The following UGGT2 variants were observed in gnomAD, a reference collection of about 807,000 sequenced individuals.
UGGT2 encodes UDP-glucose:glycoprotein glucosyltransferase 2.
A neutral mutation model predicts 192.1 loss-of-function variants in UGGT2; 180 were observed. The observed-to-expected ratio is 0.94, with a 90% CI of 0.83 to 1.06. The LOEUF (loss-of-function observed/expected upper bound fraction) is 1.06. UGGT2 is among the 50% of genes least tolerant of loss of function. The probability of loss-of-function intolerance (pLI) is 0.00; values close to 1 mark genes in which losing one functional copy is unlikely to be tolerated. For missense variants in UGGT2, 1,849 were observed against 1,795.7 expected (o/e 1.03, Z -0.54); for synonymous variants, 580 against 591.0 (o/e 0.98, Z 0.27).
intron 5 of UGGT2, among the ~76,000 whole-genome samples, chr13:96,003,104 T>A (rs193223201): frequency 6.6e-6 from 1 of 152,186 alleles, no homozygotes; most frequent in Admixed American, 6.5e-5. Flanking sequence ...TTGCCATGAA[T>A]CCTTAGGTGT....
At chr13:95,976,582 ATC>A (rs1242393765) in intron 10 of UGGT2, among the ~76,000 whole-genome samples, 1 of 152,130 alleles carries the variant, frequency 6.6e-6, no homozygotes, top group Non-Finnish European at 1.5e-5. Flanking sequence ...CCTTCCCAGA[ATC>A]TGTTATTTTT....
Position 96,023,025 on chromosome 13 carries a change from C to A in UGGT2, c.485+15G>T. 6.4e-7 allele frequency: 1 copy of A among 1,557,038 alleles called. No individual in the cohort carries two copies. Among genetic ancestry groups the A allele is most frequent in the Admixed American group, 1.8e-5 (1 of 55,962 alleles). On this transcript the variant is annotated intron_variant, in intron 4 of 38. Coordinates refer to ENST00000376747, the MANE Select transcript of UGGT2 (RefSeq NM_020121.4). Reference sequence around the variant, plus strand: ...CTATAACCACTTCTTTCATTATAGGCTATTATTAATTTACCTTGAAGCAGC... The same window carrying A: ...CTATAACCACTTCTTTCATTATAGGATATTATTAATTTACCTTGAAGCAGC...
intron 24 of UGGT2, among the ~76,000 whole-genome samples, chr13:95,893,992 G>T (rs763884934): frequency 1.3e-5 from 2 of 152,156 alleles, no homozygotes; most frequent in Non-Finnish European, 2.9e-5. Context: ...CAACAACAGA[G>T]ATTCTCAGGA....
intron 37 of UGGT2, among the ~76,000 whole-genome samples, chr13:95,836,371 G>A (rs1887289537): frequency 6.6e-6 from 1 of 152,104 alleles, no homozygotes; most frequent in Admixed American, 6.5e-5. Flanking sequence ...TTTTTCAAAA[G>A]TCCTTTTGCA....
chr13:95,926,013 T>C (rs1318557034), intron 19 of UGGT2, among the ~76,000 whole-genome samples: 1 of 152,072 alleles, frequency 6.6e-6, no homozygotes, highest in Non-Finnish European at 1.5e-5. Flanking sequence ...TACAAGCTTA[T>C]ATAAAGCTTC....
intron 38 of UGGT2, among the ~76,000 whole-genome samples, chr13:95,818,151 C>G (rs1885104621): frequency 1.3e-5 from 2 of 152,014 alleles, no homozygotes; most frequent in African/African-American, 4.8e-5. Flanking sequence ...CTACTGAAAA[C>G]AACAATAATA....
chr13:95,934,195 T>C (rs965853677), intron 17 of UGGT2, among the ~76,000 whole-genome samples: 1 of 152,246 alleles, frequency 6.6e-6, no homozygotes, highest in Non-Finnish European at 1.5e-5. Context: ...TGAGTTCTGA[T>C]TTCTATTTTT....
chr13:96,002,889 T>C (rs183719489), intron 5 of UGGT2, among the ~76,000 whole-genome samples: 26 of 152,254 alleles, frequency 1.7e-4, no homozygotes, highest in Non-Finnish European at 2.8e-4. Context: ...TATGAAGGAA[T>C]TGCCAGTAAA....
chr13:96,023,085 C>T lies in UGGT2; in HGVS notation c.440G>A (p.Cys147Tyr), dbSNP rs1198908403. Residue 147 changes from cysteine (C) to tyrosine (Y), a missense_variant, in exon 4 of 39, where the codon TGT becomes TAT. By Grantham distance (194) the Cys-to-Tyr change is radical (BLOSUM62 -2). Transcript: ENST00000376747. ...CAGCTTTTTAATCTCATTAATTTTA[C>T]AGGTGTGCTTCTTATGAATAACCAC... The part of the protein sequence containing the change: ...AFVVIHKKHT[C>Y]KINEIKKLLK... 68 of 1,593,608 alleles carry T rather than the reference C, an allele frequency of 4.3e-5. No homozygotes were observed. Among genetic ancestry groups the T allele is most frequent in the Non-Finnish European group, 5.7e-5 (67 of 1,168,844 alleles).
Position 95,868,587 on chromosome 13 carries a change from G to C in UGGT2, c.3474-1164C>G, listed in dbSNP as rs146268963. On this transcript the variant is annotated intron_variant, in intron 29 of 38. Transcript: ENST00000376747. ...CTATTGCACTTCCGTCTGGGCAAGA[G>C]AGACCCTGTCACAAAACAAAACAAA... is the stretch of plus-strand genomic sequence containing the variant. Among the ~76,000 whole-genome samples, 727 of 151,982 alleles carry C rather than the reference G, an allele frequency of 4.8e-3. 5 individuals are homozygous for C. The highest frequency in any genetic ancestry group is 0.017 in the African/African-American group (686 of 41,480).
chr13:95,957,294 T>C (rs1232841329), intron 12 of UGGT2, among the ~76,000 whole-genome samples: 2 of 152,210 alleles, frequency 1.3e-5, no homozygotes, highest in Non-Finnish European at 2.9e-5. Flanking sequence ...CACTGAATGG[T>C]TAAAAGAGCA....
At chr13:96,049,328 T>A (rs1364523993) in intron 1 of UGGT2, among the ~76,000 whole-genome samples, 2 of 152,188 alleles carry the variant, frequency 1.3e-5, no homozygotes, top group Non-Finnish European at 2.9e-5. Flanking sequence ...GGGACATATC[T>A]CAAAATAATA....
rs1257104254 is a variant in UGGT2 at position 95,996,123 on chromosome 13, G to A, written c.770C>T (p.Thr257Ile). ...DDTQVKTVTN[T>I]TVEDETETNE... is the part of the protein sequence containing the mutation. ...TGTTTCAGTCTCATCCTCTACAGTA[G>A]TATTAGTCACAGCTACATTTTGGAA... Residue 257 changes from threonine (T) to isoleucine (I), a missense_variant, in exon 7 of 39, where the codon ACT becomes ATT. Physicochemically the swap from Thr to Ile is moderately conservative, Grantham distance 89. Transcript: ENST00000376747. 1.2e-6 allele frequency: 2 copies of A among 1,611,044 alleles called. No individual in the cohort carries two copies. The highest frequency in any genetic ancestry group is 1.7e-6 in the Non-Finnish European group (2 of 1,179,168).
At chr13:95,829,030 A>G (rs146913790) in intron 38 of UGGT2, among the ~76,000 whole-genome samples, 244 of 152,290 alleles carry the variant, frequency 1.6e-3, no homozygotes, top group African/African-American at 5.4e-3. Flanking sequence ...CAAATCAATA[A>G]ACGTAATCCA....
chr13:95,839,911 T>C (rs1157066979), intron 36 of UGGT2, among the ~76,000 whole-genome samples: 2 of 152,194 alleles, frequency 1.3e-5, no homozygotes, highest in East Asian at 1.9e-4. Flanking sequence ...TTCATGTGTT[T>C]ATTGGACATT....
intron 10 of UGGT2, among the ~76,000 whole-genome samples, chr13:95,980,036 A>T (rs1475748365): frequency 6.6e-6 from 1 of 152,360 alleles, no homozygotes; most frequent in East Asian, 1.9e-4. Flanking sequence ...ACACTTTTAC[A>T]ATGTTGGTGG....
chr13:95,887,949 A>C lies in UGGT2; in HGVS notation c.2981T>G (p.Met994Arg), dbSNP rs1259163572. The C allele has an allele frequency of 1.2e-6, 2 of 1,604,000 alleles. No homozygotes were observed. Among genetic ancestry groups the C allele is most frequent in the Non-Finnish European group, 8.5e-7 (1 of 1,174,612 alleles). Residue 994 changes from methionine to arginine, a missense_variant, in exon 26 of 39, where the codon ATG becomes AGG. Transcript: ENST00000376747. ...LLVVLGKIIN[M>R]KIKLFMNCRG... The stretch of plus-strand genomic sequence containing the variant: ...ACAGTTCATGAACAACTTTATCTTC[A>C]TGTTGATAATCTTGCCAAGTACCTA...
chr13:95,999,610 TA>T (rs1231265473), intron 5 of UGGT2, among the ~76,000 whole-genome samples: 4 of 152,262 alleles, frequency 2.6e-5, no homozygotes, highest in East Asian at 3.9e-4. Context: ...ATGAGTTAAT[TA>T]AACAGAGGAT....
At chr13:95,997,045 C>T (rs192846557) in intron 6 of UGGT2, among the ~76,000 whole-genome samples, 4 of 152,246 alleles carry the variant, frequency 2.6e-5, no homozygotes, top group East Asian at 1.9e-4. Flanking sequence ...TCAGCAATTA[C>T]GCTTACTCTT....
Sources: gnomAD v4.1 joint callset for allele counts (sites outside exome capture counted in the v4.1 genomes callset) on GRCh38, gnomAD v4.1.1 for gene constraint, MANE v1.5 for transcripts, NCBI Gene and HGNC (gene_info 2026-07-23, HGNC 2026-07-21) for gene names.